Variants in ASB4 observed in about 807,000 individuals in gnomAD.
The protein encoded by ASB4 is ankyrin repeat and SOCS box containing 4, also known as ankyrin repeat and SOCS box protein 4.
Under a neutral mutation model 38.6 loss-of-function variants are expected in ASB4, and 35 were observed. The observed-to-expected ratio is 0.91, with a 90% CI of 0.69 to 1.20. The LOEUF (loss-of-function observed/expected upper bound fraction) is 1.20, where lower values mean the gene tolerates loss of function less well. ASB4 is among the 50% of genes most tolerant of loss of function. The probability of loss-of-function intolerance (pLI) is 0.00; values close to 1 mark genes in which losing one functional copy is unlikely to be tolerated. For missense variants in ASB4, 557 were observed against 527.2 expected, an observed-to-expected ratio of 1.06 and a Z score of -0.55; for synonymous variants, 195 against 201.3, an observed-to-expected ratio of 0.97 and a Z score of 0.26.
intron 1 of ASB4, among the ~76,000 whole-genome samples, chr7:95,490,608 CATT>C (rs1199393698): frequency 1.3e-5 from 2 of 152,196 alleles, no homozygotes; most frequent in African/African-American, 4.8e-5. Flanking sequence ...ACTCAGATAA[CATT>C]ATAGTTGATA....
the ASB4 span, among the ~76,000 whole-genome samples, chr7:95,550,295 C>T: frequency 3.3e-5 from 5 of 152,156 alleles, no homozygotes; most frequent in African/African-American, 1.2e-4. Context: ...AAGCCAGGCC[C>T]TGCCCACAGG....
intron 2 of ASB4, among the ~76,000 whole-genome samples, chr7:95,515,376 CTTTTCTTTTCTTTT>C (rs1392482338): frequency 3.0e-5 from 3 of 98,782 alleles, no homozygotes; most frequent in Admixed American, 1.1e-4. Flanking sequence ...TTCTTTCTTT[CTTTTCTTTTCTTTT>C]TTTTCTTTTC....
rs200981404 is a variant in ASB4 at position 95,490,552 on chromosome 7, C to T, written c.187+4394C>T. ...ATCCAGCCACGAGCAGTGTGTGTAA[C>T]CTTTGGCTGTAATAACAGAGGCTTC... On this transcript the variant is annotated intron_variant, in intron 1 of 4. Coordinates refer to ENST00000325885, the MANE Select transcript of ASB4 (RefSeq NM_016116.3). Among the ~76,000 whole-genome samples the T allele has an allele frequency of 1.4e-4, 22 of 152,308 alleles. No individual in the cohort carries two copies. In the East Asian group the frequency reaches 3.5e-3, roughly 24 times the overall value.
intron 2 of ASB4, among the ~76,000 whole-genome samples, chr7:95,512,859 G>C (rs775089807): frequency 3.7e-4 from 57 of 152,144 alleles, no homozygotes; most frequent in Admixed American, 9.8e-4. Flanking sequence ...GAAGAAAAAC[G>C]ACCCTCCAAA....
intron 2 of ASB4, among the ~76,000 whole-genome samples, chr7:95,501,143 G>A (rs1456994170): frequency 1.3e-5 from 2 of 151,760 alleles, no homozygotes; most frequent in Non-Finnish European, 2.9e-5. Context: ...AACATTTTTT[G>A]TCTCACTTTT....
intron 2 of ASB4, among the ~76,000 whole-genome samples, chr7:95,515,245 T>TTC (rs1562817105): frequency 7.0e-6 from 1 of 142,794 alleles, no homozygotes; most frequent in South Asian, 2.3e-4. Context: ...CTTTCTTTCT[T>TTC]TCTTTCCTTC....
intron 4 of ASB4, among the ~76,000 whole-genome samples, chr7:95,537,062 T>G (rs1485195474): frequency 6.6e-6 from 1 of 152,158 alleles, no homozygotes; most frequent in Admixed American, 6.5e-5. Context: ...CTGAACACCC[T>G]TGGTTCTTGG....
chr7:95,536,705 A>G (rs1425264772), intron 4 of ASB4, among the ~76,000 whole-genome samples, 155 bp downstream of exon 4: 1 of 152,220 alleles, frequency 6.6e-6, no homozygotes, highest in Non-Finnish European at 1.5e-5. Context: ...TGCAGGTTTG[A>G]GAGTTAATAT....
intron 2 of ASB4, among the ~76,000 whole-genome samples, chr7:95,518,440 G>T (rs1254314805): frequency 6.6e-6 from 1 of 152,236 alleles, no homozygotes; most frequent in Non-Finnish European, 1.5e-5. Context: ...GGAGGGCCTT[G>T]ATTCTGAATT....
At chr7:95,533,169 T>C (rs953931007) in intron 3 of ASB4, among the ~76,000 whole-genome samples, 23 of 152,188 alleles carry the variant, frequency 1.5e-4, no homozygotes, top group African/African-American at 5.6e-4. Flanking sequence ...ATAAACTCTG[T>C]CTGCCAGGGA....
chr7:95,495,631 A>G, intron 1 of ASB4, 127 bp from the exon 2 acceptor site: 1 of 895,348 alleles, frequency 1.1e-6, no homozygotes, highest in East Asian at 2.6e-5. Flanking sequence ...AACCTCTGTC[A>G]TCCCCTCTCC....
the ASB4 span, among the ~76,000 whole-genome samples, chr7:95,549,491 G>C: frequency 4.6e-5 from 7 of 151,678 alleles, no homozygotes; most frequent in Non-Finnish European, 7.4e-5. Context: ...TAGAGACAGG[G>C]TTTCACCGTG....
intron 2 of ASB4, among the ~76,000 whole-genome samples, chr7:95,515,263 CTTTCTCTTTCTT>C (rs1562817180): frequency 6.0e-5 from 7 of 115,820 alleles, no homozygotes; most frequent in South Asian, 3.0e-4. Flanking sequence ...TTCTTTCTTT[CTTTCTCTTTCTT>C]TCTTTCTTTC....
At chr7:95,523,414 A>C (rs1484127160) in intron 2 of ASB4, among the ~76,000 whole-genome samples, 1 of 152,210 alleles carries the variant, frequency 6.6e-6, no homozygotes, top group Non-Finnish European at 1.5e-5. Flanking sequence ...CAATGAACTA[A>C]ATTTGGACAA....
chr7:95,494,181 C>A (rs1026196204), intron 1 of ASB4, among the ~76,000 whole-genome samples: 11 of 152,174 alleles, frequency 7.2e-5, no homozygotes, highest in African/African-American at 2.7e-4. Flanking sequence ...AAATTTAATA[C>A]CTGATCACCA....
upstream of ASB4, among the ~76,000 whole-genome samples, chr7:95,482,604 C>G (rs1354124898): frequency 6.6e-6 from 1 of 152,184 alleles, no homozygotes; most frequent in Non-Finnish European, 1.5e-5. Flanking sequence ...TCAAGGACCA[C>G]GCCTGAAGGA....
intron 2 of ASB4, among the ~76,000 whole-genome samples, chr7:95,523,866 A>G (rs184981458): frequency 0.015 from 2,330 of 152,316 alleles, 23 homozygotes; most frequent in Non-Finnish European, 0.025. Flanking sequence ...GTAATATAAA[A>G]GCATTGTTGG....
chr7:95,509,642 A>G (rs940100315), intron 2 of ASB4, among the ~76,000 whole-genome samples: 1 of 152,338 alleles, frequency 6.6e-6, no homozygotes, highest in East Asian at 1.9e-4. Context: ...AATCTAGCTT[A>G]ATAAAGTTAA....
At chr7:95,515,293 C>CTTTCTT (rs1562817247) in intron 2 of ASB4, among the ~76,000 whole-genome samples, 5 of 118,070 alleles carry the variant, frequency 4.2e-5, no homozygotes, top group Non-Finnish European at 7.2e-5. Flanking sequence ...TTCTTTCTTT[C>CTTTCTT]TTTCTTTCTT....
Sources: allele counts gnomAD v4.1 joint callset (sites outside exome capture counted in the v4.1 genomes callset), GRCh38; gene constraint gnomAD v4.1.1; transcripts MANE v1.5; gene names NCBI Gene and HGNC (gene_info 2026-07-23, HGNC 2026-07-21).